ZNRF1: variants seen among roughly 807,000 people sequenced by gnomAD.
ZNRF1 encodes the protein zinc and ring finger 1, also known as E3 ubiquitin-protein ligase ZNRF1.
Under a neutral mutation model 18.4 loss-of-function variants are expected in ZNRF1, and 3 were observed. The ratio of observed to expected loss-of-function variants is 0.16; its 90% CI spans 0.07 to 0.42. The LOEUF (loss-of-function observed/expected upper bound fraction) is 0.42. ZNRF1 is among the 10% of genes least tolerant of loss of function. The probability of loss-of-function intolerance (pLI) is 0.99; values close to 1 mark genes in which losing one functional copy is unlikely to be tolerated. For missense variants in ZNRF1, 310 were observed against 329.8 expected, an observed-to-expected ratio of 0.94 and a Z score of 0.47; for synonymous variants, 157 against 144.2, an observed-to-expected ratio of 1.09 and a Z score of -0.64.
chr16:75,036,013 T>G (rs1363569256), intron 1 of ZNRF1, among the ~76,000 whole-genome samples: 1 of 152,168 alleles, frequency 6.6e-6, no homozygotes, highest in African/African-American at 2.4e-5. Flanking sequence ...CCAATTATTA[T>G]TTTAGGGGGA....
intron 1 of ZNRF1, among the ~76,000 whole-genome samples, chr16:75,079,622 C>G (rs540565700): frequency 6.6e-6 from 1 of 152,332 alleles, no homozygotes; most frequent in East Asian, 1.9e-4. Flanking sequence ...TTCTCTCACC[C>G]TTATCCTTCC....
At position 74,999,506 on chromosome 16, in the gene ZNRF1, C is replaced by A; in HGVS notation, c.-166C>A. The A allele has an allele frequency of 2.1e-6, 1 of 476,856 alleles. No individual in the cohort carries two copies. Among genetic ancestry groups the A allele is most frequent in the Non-Finnish European group, 3.4e-6 (1 of 293,980 alleles). 29.5% of individuals were successfully genotyped at this position (476,856 alleles called of 1,614,324 possible). A position where few individuals can be genotyped will look rare whatever the true frequency, so the allele number is the denominator to read the frequency against. ...CCGCCCGCCCGCCTGCCTCTTCCGCCCCGCGGGTTTTTTCCTTTTTTCCTT... is the reference window on the plus strand; with the variant it reads ...CCGCCCGCCCGCCTGCCTCTTCCGCACCGCGGGTTTTTTCCTTTTTTCCTT... On this transcript the variant is annotated 5_prime_UTR_variant, in exon 1 of 5. Transcript: ENST00000335325.
intron 1 of ZNRF1, among the ~76,000 whole-genome samples, chr16:75,049,845 T>TTGTGTGTGTG (rs56377786): frequency 0.019 from 2,769 of 149,370 alleles, 34 homozygotes; most frequent in Middle Eastern, 0.038. Flanking sequence ...ATGCACCCAT[T>TTGTGTGTGTG]TGTGTGTGTG....
chr16:75,005,917 C>G (rs1393855453), intron 1 of ZNRF1, among the ~76,000 whole-genome samples: 1 of 152,102 alleles, frequency 6.6e-6, no homozygotes, highest in East Asian at 1.9e-4. Context: ...ATACACGGAC[C>G]TAGGTGGTAT....
intron 1 of ZNRF1, 146 bp from the exon 2 acceptor site, chr16:75,093,426 G>T: frequency 2.3e-5 from 12 of 516,432 alleles, no homozygotes; most frequent in East Asian, 6.6e-5. Flanking sequence ...ATGAGTCCTT[G>T]AAGGAGGACA....
intron 1 of ZNRF1, among the ~76,000 whole-genome samples, chr16:75,043,249 T>C (rs2035472449): frequency 6.6e-6 from 1 of 152,200 alleles, no homozygotes. Context: ...TTGATTGCAT[T>C]TATCAGATTT....
At chr16:75,064,540 A>G (rs1464093353) in intron 1 of ZNRF1, among the ~76,000 whole-genome samples, 1 of 149,582 alleles carries the variant, frequency 6.7e-6, no homozygotes, top group Non-Finnish European at 1.5e-5. Flanking sequence ...TGGGTGACAG[A>G]GTGAGACTCA....
intron 2 of ZNRF1, chr16:75,095,859 C>G (rs2036191377): frequency 2.9e-6 from 3 of 1,044,638 alleles, no homozygotes; most frequent in South Asian, 2.8e-5. Context: ...GGTTTACCCC[C>G]CTACACCCCA....
In ZNRF1 at chr16:75,080,408, T is replaced by C. The variant is rs144250686; in HGVS notation, c.425-13164T>C. ...ATATGAGCAGTCACTTACATGTGAGTGTCTGTTCGCTGGTGAGTCAGATGC... is the reference window on the plus strand; with the variant it reads ...ATATGAGCAGTCACTTACATGTGAGCGTCTGTTCGCTGGTGAGTCAGATGC... On this transcript the variant is annotated intron_variant, in intron 1 of 4. Transcript: ENST00000335325. Among the ~76,000 whole-genome samples the C allele has an allele frequency of 2.5e-3, 388 of 152,286 alleles. 1 individual carries two copies. Among genetic ancestry groups the C allele is most frequent in the African/African-American group, 8.6e-3 (358 of 41,548 alleles).
chr16:75,036,057 T>C (rs952118799), intron 1 of ZNRF1, among the ~76,000 whole-genome samples: 1 of 152,136 alleles, frequency 6.6e-6, no homozygotes, highest in African/African-American at 2.4e-5. Context: ...CACCTGATGG[T>C]CACCTGACAT....
rs374134994 is a variant in ZNRF1 at position 75,103,123 on chromosome 16, A to C, written c.521-1661A>C. Among the ~76,000 whole-genome samples the C allele has an allele frequency of 3.3e-5, 5 of 152,240 alleles. No homozygotes were observed. The South Asian group carries it at 1.0e-3, about 32-fold the overall frequency. The stretch of plus-strand genomic sequence containing the variant: ...GTGCCTTTTGATTTCCTTGTTCGGC[A>C]TCCCTGCTAGTCTGTGAGCTGCTTG... On this transcript the variant is annotated intron_variant, in intron 2 of 4. Coordinates refer to ENST00000335325, the MANE Select transcript of ZNRF1 (RefSeq NM_032268.5).
At chr16:75,089,019 C>T (rs1049350463) in intron 1 of ZNRF1, among the ~76,000 whole-genome samples, 1 of 152,120 alleles carries the variant, frequency 6.6e-6, no homozygotes, top group African/African-American at 2.4e-5. Flanking sequence ...TAGCCCATGG[C>T]CAGTGTGCCC....
chr16:75,097,207 C>T (rs1191665961), intron 2 of ZNRF1, among the ~76,000 whole-genome samples: 2 of 152,128 alleles, frequency 1.3e-5, no homozygotes, highest in Non-Finnish European at 2.9e-5. Flanking sequence ...TTTTGACCCT[C>T]GAGTCTCTGG....
At chr16:75,030,259 C>G (rs987754551) in intron 1 of ZNRF1, among the ~76,000 whole-genome samples, 1 of 151,972 alleles carries the variant, frequency 6.6e-6, no homozygotes, top group Admixed American at 6.6e-5. Context: ...GGTGTCAAGA[C>G]CATTCAATAG....
At chr16:75,107,274 G>T in intron 4 of ZNRF1, 1 of 182,432 alleles carries the variant, frequency 5.5e-6, no homozygotes, top group South Asian at 9.3e-5. Context: ...TCCAAGTTCT[G>T]GGCTGGCATT....
chr16:75,058,966 A>G (rs913038897), intron 1 of ZNRF1, among the ~76,000 whole-genome samples: 1 of 152,100 alleles, frequency 6.6e-6, no homozygotes, highest in Admixed American at 6.6e-5. Flanking sequence ...CAGGCTTTTC[A>G]TACTTGAATA....
In ZNRF1 at chr16:75,104,849, A is replaced by G; in HGVS notation, c.586A>G (p.Thr196Ala). 1.9e-6 allele frequency: 3 copies of G among 1,610,460 alleles called. No homozygotes were observed. The highest frequency in any genetic ancestry group is 2.5e-6 in the Non-Finnish European group (3 of 1,178,962). ...CCTGGAGGAGCTGCTGCAGGGGGAC[A>G]CGATAGCCAGGCTGCCCTGCCTGTG... is the stretch of plus-strand genomic sequence containing the variant. ...ICLEELLQGD[T>A]IARLPCLCIY... is the part of the protein sequence containing the mutation. The change falls in exon 3 of 5, where the codon ACG becomes GCG. Residue 196 changes from threonine (T) to alanine (A), a missense_variant. Around this residue, in one of 2 missense-constraint regions of ZNRF1, gnomAD observed 293 missense variants for 291.2 expected, o/e 1.01. Transcript: ENST00000335325.
intron 1 of ZNRF1, among the ~76,000 whole-genome samples, chr16:75,060,565 G>A (rs1354121772): frequency 1.4e-4 from 17 of 125,478 alleles, no homozygotes; most frequent in Non-Finnish European, 1.8e-4. Flanking sequence ...TGCAACCTCC[G>A]CCTCCCAGGT....
At chr16:75,084,648 A>G (rs1228148992) in intron 1 of ZNRF1, 1 of 152,232 alleles carries the variant, frequency 6.6e-6, no homozygotes, top group Non-Finnish European at 1.5e-5. Flanking sequence ...GTATTTGAGC[A>G]TATACAAGGA....
Sources: gnomAD v4.1 joint callset for allele counts (sites outside exome capture counted in the v4.1 genomes callset) on GRCh38, gnomAD v4.1.1 for gene constraint, gnomAD v4.1.1 regional missense constraint, MANE v1.5 for transcripts, NCBI Gene and HGNC (gene_info 2026-07-23, HGNC 2026-07-21) for gene names.